MYRIP: variants seen among roughly 807,000 people sequenced by gnomAD.
MYRIP encodes the protein rab effector MyRIP.
MYRIP carries 49 observed loss-of-function variants against 98.0 expected under a neutral mutation model. That is an observed-to-expected ratio of 0.50 (90% CI 0.40 to 0.63). The LOEUF (loss-of-function observed/expected upper bound fraction) is 0.63. Among genes scored for constraint, MYRIP ranks in the 30% least tolerant of loss-of-function variants. MYRIP has a pLI of 0.00. For missense variants in MYRIP, 1,004 were observed against 1,058.2 expected (o/e 0.95, Z 0.71); for synonymous variants, 404 against 409.5 (o/e 0.99, Z 0.16).
At chr3:39,936,983 A>C (rs1944667719) in intron 2 of MYRIP, among the ~76,000 whole-genome samples, 1 of 152,156 alleles carries the variant, frequency 6.6e-6, no homozygotes, top group Non-Finnish European at 1.5e-5. Context: ...CATTGAAACA[A>C]AGGTTCCATG....
intron 7 of MYRIP, among the ~76,000 whole-genome samples, chr3:40,169,737 T>C (rs1242332694): frequency 6.6e-6 from 1 of 152,210 alleles, no homozygotes; most frequent in Non-Finnish European, 1.5e-5. Context: ...GTTAACATCA[T>C]AAAAGGATTA....
At chr3:40,200,065 G>A (rs754978144) in intron 10 of MYRIP, among the ~76,000 whole-genome samples, 6 of 150,572 alleles carry the variant, frequency 4.0e-5, no homozygotes, top group African/African-American at 1.5e-4. Context: ...AGATAAACTC[G>A]TTGCAGAGAA....
intron 1 of MYRIP, among the ~76,000 whole-genome samples, chr3:39,852,056 TA>T (rs1190120686): frequency 6.6e-6 from 1 of 152,186 alleles, no homozygotes. Flanking sequence ...ATCAACAATT[TA>T]GCCCACATGT....
intron 3 of MYRIP, among the ~76,000 whole-genome samples, chr3:40,111,033 C>G (rs918710308): frequency 1.4e-4 from 22 of 152,132 alleles, no homozygotes; most frequent in African/African-American, 5.3e-4. Context: ...GGTGTTGACT[C>G]AAAGCATGGA....
At chr3:39,969,027 T>C (rs757249493) in intron 2 of MYRIP, among the ~76,000 whole-genome samples, 5 of 152,182 alleles carry the variant, frequency 3.3e-5, no homozygotes, top group Non-Finnish European at 5.9e-5. Flanking sequence ...ATTCTCATTG[T>C]AGAGATCTTT....
intron 2 of MYRIP, among the ~76,000 whole-genome samples, chr3:40,022,931 G>A (rs1187645037): frequency 6.6e-6 from 1 of 152,134 alleles, no homozygotes; most frequent in Non-Finnish European, 1.5e-5. Flanking sequence ...GAGACTGGCA[G>A]TTACAGATCC....
At chr3:39,859,056 A>G (rs1942385438) in intron 1 of MYRIP, among the ~76,000 whole-genome samples, 1 of 151,974 alleles carries the variant, frequency 6.6e-6, no homozygotes, top group Non-Finnish European at 1.5e-5. Context: ...GAAATATAGA[A>G]AATAAAGACT....
At chr3:39,951,387 C>T (rs1034994626) in intron 2 of MYRIP, among the ~76,000 whole-genome samples, 3 of 152,046 alleles carry the variant, frequency 2.0e-5, no homozygotes, top group Admixed American at 6.6e-5. Flanking sequence ...TTTTTTCAAG[C>T]TTCCAAGTAA....
chr3:39,903,965 G>T (rs1179197578), intron 2 of MYRIP, among the ~76,000 whole-genome samples: 1 of 152,108 alleles, frequency 6.6e-6, no homozygotes, highest in Non-Finnish European at 1.5e-5. Context: ...ATCCAAACAA[G>T]GTCCACTCAT....
rs1308240517 is a variant in MYRIP, at chr3:39,938,772, T to C, written c.110+37846T>C. 3.3e-5 allele frequency among the ~76,000 whole-genome samples: 5 copies of C among 152,158 alleles called. 1 individual carries two copies. The highest frequency in any genetic ancestry group is 1.2e-4 in the African/African-American group (5 of 41,448). ...CTCCTGCCTCAAACTCCCAGAGTGC[T>C]GGAATTATAGGCATGCACCACCAAG... On this transcript the variant is annotated intron_variant, in intron 2 of 16. Transcript: ENST00000302541.
At chr3:40,009,848 CA>C (rs1350502316) in intron 2 of MYRIP, among the ~76,000 whole-genome samples, 3 of 152,226 alleles carry the variant, frequency 2.0e-5, no homozygotes, top group Non-Finnish European at 2.9e-5. Context: ...AGCAATTCTA[CA>C]AAGTAGGCGT....
intron 2 of MYRIP, among the ~76,000 whole-genome samples, chr3:40,032,240 T>C (rs1397130219): frequency 6.6e-6 from 1 of 152,174 alleles, no homozygotes; most frequent in South Asian, 2.1e-4. Context: ...CTTCATTTCG[T>C]TATGTACCCA....
At chr3:39,863,643 A>G (rs906941576) in intron 1 of MYRIP, among the ~76,000 whole-genome samples, 2 of 152,352 alleles carry the variant, frequency 1.3e-5, no homozygotes, top group African/African-American at 2.4e-5. Flanking sequence ...ACAGATCAAT[A>G]TGAGTTCTTA....
intron 3 of MYRIP, among the ~76,000 whole-genome samples, chr3:40,125,234 A>C (rs1342586928): frequency 6.6e-6 from 1 of 152,248 alleles, no homozygotes; most frequent in Non-Finnish European, 1.5e-5. Context: ...GGATAGATAT[A>C]TAAAGGAGTT....
rs564550610 is a variant in MYRIP at position 39,910,720 on chromosome 3, T to A, written c.110+9794T>A. 3.3e-5 allele frequency among the ~76,000 whole-genome samples: 5 copies of A among 152,368 alleles called. No individual in the cohort carries two copies. The East Asian group carries it at 9.6e-4, about 29-fold the overall frequency. ...GTTAATTTCACTTTTTTTTACTTTTTAAAATGTGGCTACTAGAAAGTTTTA... is the reference window on the plus strand; with the variant it reads ...GTTAATTTCACTTTTTTTTACTTTTAAAAATGTGGCTACTAGAAAGTTTTA... On this transcript the variant is annotated intron_variant, in intron 2 of 16. Coordinates refer to ENST00000302541, the MANE Select transcript of MYRIP (RefSeq NM_015460.4).
chr3:40,019,787 C>A (rs572141881), intron 2 of MYRIP, among the ~76,000 whole-genome samples: 1 of 147,964 alleles, frequency 6.8e-6, no homozygotes, highest in South Asian at 2.3e-4. Context: ...ACCATTAGCA[C>A]AATACCATTA....
intron 12 of MYRIP, among the ~76,000 whole-genome samples, chr3:40,241,367 A>G (rs1282095406): frequency 6.6e-6 from 1 of 152,246 alleles, no homozygotes; most frequent in African/African-American, 2.4e-5. Context: ...TTACAGCACT[A>G]AAGAGGATGT....
chr3:40,153,715 G>T (rs2679807), intron 4 of MYRIP, among the ~76,000 whole-genome samples: 71,415 of 152,068 alleles, frequency 0.47, 17,055 homozygotes, highest in Admixed American at 0.54. Flanking sequence ...TTTTCAGAAT[G>T]TTGATTGTCA....
intron 2 of MYRIP, among the ~76,000 whole-genome samples, chr3:39,995,357 T>C (rs1295674665): frequency 6.6e-6 from 1 of 152,160 alleles, no homozygotes; most frequent in African/African-American, 2.4e-5. Context: ...CTGATGGAGC[T>C]GAAAACCATG....
Sources: allele counts gnomAD v4.1 joint callset (sites outside exome capture counted in the v4.1 genomes callset), GRCh38; gene constraint gnomAD v4.1.1; transcripts MANE v1.5; gene names NCBI Gene and HGNC (gene_info 2026-07-23, HGNC 2026-07-21).